The following COL11A1 variants were observed in gnomAD, a reference collection of about 807,000 sequenced individuals.
COL11A1 encodes collagen alpha-1(XI) chain.
COL11A1 carries 74 observed loss-of-function variants against 265.2 expected under a neutral mutation model. That is an observed-to-expected ratio of 0.28 (90% confidence interval 0.23 to 0.34). The LOEUF (loss-of-function observed/expected upper bound fraction) is 0.34. COL11A1 is among the 10% of genes least tolerant of loss of function. The probability of loss-of-function intolerance (pLI) is 1.00; values close to 1 mark genes in which losing one functional copy is unlikely to be tolerated. For synonymous variants in COL11A1, 816 were observed against 727.6 expected, an observed-to-expected ratio of 1.12 and a Z score of -1.96; for missense variants, 2,165 against 2,263.6, an observed-to-expected ratio of 0.96 and a Z score of 0.88.
intron 46 of COL11A1, among the ~76,000 whole-genome samples, chr1:102,927,660 A>C (rs112120164): frequency 0.04 from 6,007 of 152,016 alleles, 155 homozygotes; most frequent in African/African-American, 0.071. Flanking sequence ...CAAAAAAAAA[A>C]CCAAAAACCC....
At chr1:103,038,458 A>G (rs1668546781) in intron 4 of COL11A1, among the ~76,000 whole-genome samples, 1 of 152,140 alleles carries the variant, frequency 6.6e-6, no homozygotes, top group Non-Finnish European at 1.5e-5. Context: ...CGACAAAGCG[A>G]GACTCTTTCT....
intron 35 of COL11A1, among the ~76,000 whole-genome samples, chr1:102,976,265 A>T (rs1662454674): frequency 7.3e-6 from 1 of 137,696 alleles, no homozygotes; most frequent in Admixed American, 7.6e-5. Context: ...TTGAGTCTTT[A>T]TAAAATTTCA....
intron 30 of COL11A1, among the ~76,000 whole-genome samples, chr1:102,984,778 A>G (rs1372899011): frequency 6.6e-6 from 1 of 152,056 alleles, no homozygotes; most frequent in Non-Finnish European, 1.5e-5. Context: ...ACTAATAAAT[A>G]TAATATGTGT....
rs537144046 is a variant in COL11A1 at position 103,024,267 on chromosome 1, C to CAG, written c.990+1252_990+1253dup. On this transcript the variant is annotated intron_variant, in intron 7 of 66. Transcript: ENST00000370096. ...TCAGCCTCCTGTGTAGCTGGGACTA[C>CAG]AGGCATGCACCAGCATGCCCAGCTT... 3.9e-3 allele frequency among the ~76,000 whole-genome samples: 598 copies of CAG among 152,292 alleles called. 9 individuals carry two copies. Among genetic ancestry groups the CAG allele is most frequent in the African/African-American group, 0.014 (577 of 41,568 alleles).
Position 102,970,237 on chromosome 1 carries a change from A to G in COL11A1, c.2844T>C (p.Pro948=). ...PPGKDGLPGH[P]GQRGETGFQG... is the part of the protein sequence containing the mutation. ...CACTTACAGTCTCCCCACGTTGCCC[A>G]GGGTGTCCTGGCAGCCCATCCTTCC... is the stretch of plus-strand genomic sequence containing the variant. Residue 948 remains proline, a synonymous_variant, in exon 37 of 67, where the codon CCT becomes CCC. Coordinates refer to ENST00000370096, the MANE Select transcript of COL11A1 (RefSeq NM_001854.4). The G allele has an allele frequency of 6.2e-7, 1 of 1,612,332 alleles. No homozygotes were observed. Among genetic ancestry groups the G allele is most frequent in the Non-Finnish European group, 8.5e-7 (1 of 1,178,920 alleles).
At position 103,078,885 on chromosome 1, in the gene COL11A1, G is replaced by T. The variant is rs370321983; in HGVS notation, c.275-14C>A. On this transcript the variant is annotated splice_polypyrimidine_tract_variant and intron_variant, in intron 2 of 66. Coordinates refer to ENST00000370096, the MANE Select transcript of COL11A1 (RefSeq NM_001854.4). Reference sequence around the variant, plus strand: ...GGAAAGTTCCACCTGAGAAGAAAAGGCCAAAGAGTTAGAAATTTCCAATTT... The same window carrying T: ...GGAAAGTTCCACCTGAGAAGAAAAGTCCAAAGAGTTAGAAATTTCCAATTT... 9.6e-6 allele frequency: 15 copies of T among 1,566,906 alleles called. No homozygotes were observed. The highest frequency in any genetic ancestry group is 2.3e-5 in the East Asian group (1 of 44,312).
chr1:102,986,561 A>G (rs1277340560), intron 30 of COL11A1, among the ~76,000 whole-genome samples: 2 of 152,162 alleles, frequency 1.3e-5, no homozygotes, highest in African/African-American at 2.4e-5. Flanking sequence ...AAATAAAATA[A>G]AGAAATTATG....
intron 4 of COL11A1, among the ~76,000 whole-genome samples, chr1:103,062,187 A>C (rs1266092053): frequency 6.6e-6 from 1 of 152,004 alleles, no homozygotes; most frequent in African/African-American, 2.4e-5. Context: ...ATCAAAAATT[A>C]ATAAACTTTC....
intron 54 of COL11A1, among the ~76,000 whole-genome samples, chr1:102,899,467 T>C (rs981127992): frequency 6.6e-6 from 1 of 152,146 alleles, no homozygotes; most frequent in Non-Finnish European, 1.5e-5. Flanking sequence ...AGAAACACAA[T>C]ATTTTAAATT....
At chr1:102,960,652 T>C (rs1011772421) in intron 41 of COL11A1, among the ~76,000 whole-genome samples, 2 of 152,004 alleles carry the variant, frequency 1.3e-5, no homozygotes, top group African/African-American at 2.4e-5. Context: ...GTGTACAGTA[T>C]ACTCTTCTCA....
chr1:102,921,216 T>A (rs1655955781), intron 48 of COL11A1, among the ~76,000 whole-genome samples: 1 of 152,192 alleles, frequency 6.6e-6, no homozygotes. Flanking sequence ...ACAGTCTAAG[T>A]ATGTTGGTTT....
chr1:102,891,681 C>T (rs1024214266), intron 57 of COL11A1, among the ~76,000 whole-genome samples: 1 of 150,476 alleles, frequency 6.6e-6, no homozygotes, highest in South Asian at 2.1e-4. Context: ...TTGCAACCAG[C>T]CTGGGTAACA....
At chr1:103,104,893 A>G (rs1674571317) in intron 1 of COL11A1, among the ~76,000 whole-genome samples, 1 of 152,084 alleles carries the variant, frequency 6.6e-6, no homozygotes, top group South Asian at 2.1e-4. Context: ...ACTAGCACAT[A>G]CTCTGGAAGC....
intron 1 of COL11A1, 114 bp downstream of exon 1, chr1:103,107,959 T>C (rs904585581): frequency 3.1e-5 from 25 of 796,186 alleles, no homozygotes; most frequent in Admixed American, 8.3e-5. Context: ...TTAAGGGAAT[T>C]GCTTTTTTTT....
Position 103,078,857 on chromosome 1 carries a change from C to G in COL11A1, c.289G>C (p.Glu97Gln). 1 of 1,609,042 alleles carries G rather than the reference C, an allele frequency of 6.2e-7. No individual in the cohort carries two copies. Among genetic ancestry groups the G allele is most frequent in the Non-Finnish European group, 8.5e-7 (1 of 1,176,542 alleles). Reference sequence around the variant, plus strand: ...ACTGTAAATAGTATTGAAAAGTCTTCTGGGAAAGTTCCACCTGAGAAGAAA... The same window carrying G: ...ACTGTAAATAGTATTGAAAAGTCTTGTGGGAAAGTTCCACCTGAGAAGAAA... ...KQLFPGGTFPEDFSILFTVKP... is the reference protein window; with the variant it reads ...KQLFPGGTFPQDFSILFTVKP... The change falls in exon 3 of 67, where the codon GAA (glutamate) becomes CAA (glutamine). Residue 97 changes from glutamate (E) to glutamine (Q), a missense_variant. By Grantham distance (29) the Glu-to-Gln change is conservative. Coordinates refer to ENST00000370096, the MANE Select transcript of COL11A1 (RefSeq NM_001854.4).
chr1:103,056,893 A>G (rs1386276364), intron 4 of COL11A1, among the ~76,000 whole-genome samples: 1 of 152,220 alleles, frequency 6.6e-6, no homozygotes, highest in African/African-American at 2.4e-5. Context: ...CTGCTAAAAA[A>G]TACTAACGAT....
intron 5 of COL11A1, among the ~76,000 whole-genome samples, chr1:103,028,921 G>C (rs1245707685): frequency 6.6e-6 from 1 of 152,048 alleles, no homozygotes. Flanking sequence ...AATTTCACTT[G>C]ATAAGAAAAT....
chr1:102,936,199 A>G (rs1483859975), intron 44 of COL11A1, among the ~76,000 whole-genome samples: 2 of 151,890 alleles, frequency 1.3e-5, no homozygotes, highest in African/African-American at 2.4e-5. Context: ...AGACATACAT[A>G]AAGTATGTTT....
At chr1:102,914,000 G>A (rs1655009819) in intron 52 of COL11A1, among the ~76,000 whole-genome samples, 1 of 152,132 alleles carries the variant, frequency 6.6e-6, no homozygotes, top group South Asian at 2.1e-4. Flanking sequence ...ATATGGTATA[G>A]TTTGAAATAG....
Sources: gnomAD v4.1 joint callset for allele counts (sites outside exome capture counted in the v4.1 genomes callset) on GRCh38, gnomAD v4.1.1 for gene constraint, MANE v1.5 for transcripts, NCBI Gene and HGNC (gene_info 2026-07-23, HGNC 2026-07-21) for gene names.